The following ANKEF1 variants were observed in gnomAD, a reference collection of about 807,000 sequenced individuals.
ANKEF1 encodes ankyrin repeat and EF-hand domain containing 1, also known as ankyrin repeat and EF-hand domain-containing protein 1.
Under a neutral mutation model 65.1 loss-of-function variants are expected in ANKEF1, and 43 were observed. The observed-to-expected ratio is 0.66, with a 90% CI of 0.52 to 0.85. The LOEUF (loss-of-function observed/expected upper bound fraction) is 0.85. Among genes scored for constraint, ANKEF1 ranks in the 40% least tolerant of loss-of-function variants. The pLI, the probability that ANKEF1 is intolerant of heterozygous loss-of-function variation, is 0.00. For missense variants in ANKEF1, 934 were observed against 952.9 expected, an observed-to-expected ratio of 0.98 and a Z score of 0.26; for synonymous variants, 316 against 341.5, an observed-to-expected ratio of 0.93 and a Z score of 0.82.
In ANKEF1 at chr20:10,056,507, TA is replaced by T. The variant is rs1568520086; in HGVS notation, c.*848del. ...GATAGATAGATAGATGATAGATAGA[TA>T]GATAGATAGATAGATAGATAGATAG... On this transcript the variant is annotated 3_prime_UTR_variant, in exon 11 of 11. Transcript: ENST00000378392. 21 of 151,108 alleles carry T rather than the reference TA, an allele frequency of 1.4e-4. No homozygotes were observed. The highest frequency in any genetic ancestry group is 4.2e-4 in the South Asian group (2 of 4,728). The allele number at this position is 151,108 out of a possible 1,614,324, so 9.4% of individuals were successfully genotyped here.
rs1354075300 is a variant in ANKEF1, at chr20:10,058,190, T to C, written c.*2530T>C. The C allele has an allele frequency of 6.6e-6, 1 of 152,222 alleles. No individual in the cohort carries two copies. Among genetic ancestry groups the C allele is most frequent in the Non-Finnish European group, 1.5e-5 (1 of 68,022 alleles). 9.4% of individuals were successfully genotyped at this position (152,222 alleles called of 1,614,324 possible). ...GCATAAAATTAACTGTAGTACATAC[T>C]GTACAACTGTAATAATTTCATAGCC... On this transcript the variant is annotated 3_prime_UTR_variant, in exon 11 of 11. Coordinates refer to ENST00000378392, the MANE Select transcript of ANKEF1 (RefSeq NM_022096.6).
intron 3 of ANKEF1, among the ~76,000 whole-genome samples, chr20:10,042,412 A>G (rs1984245468): frequency 6.6e-6 from 1 of 152,086 alleles, no homozygotes; most frequent in South Asian, 2.1e-4. Flanking sequence ...AACTCGTTAC[A>G]AAGTCAGTTT....
chr20:10,053,032 G>T, intron 8 of ANKEF1, 80 bp from the exon 9 acceptor site: 1 of 1,419,866 alleles, frequency 7.0e-7, no homozygotes. Context: ...GCTTAGAGCT[G>T]ATGTGCTGAG....
rs1175784347 is a variant in ANKEF1 at position 10,056,905 on chromosome 20, C to T, written c.*1245C>T. On this transcript the variant is annotated 3_prime_UTR_variant, in exon 11 of 11. Transcript: ENST00000378392. ...TGTACACAATTCCTTCACCACAACA[C>T]CTAAGATTAGTATTTGATTGAGTTA... The T allele has an allele frequency of 1.3e-5, 2 of 152,126 alleles. No individual in the cohort carries two copies. Among genetic ancestry groups the T allele is most frequent in the African/African-American group, 4.8e-5 (2 of 41,422 alleles). 9.4% of individuals were successfully genotyped at this position (152,126 alleles called of 1,614,324 possible).
intron 4 of ANKEF1, 77 bp from the exon 5 acceptor site, chr20:10,044,317 G>C (rs1427622898): frequency 1.4e-6 from 2 of 1,463,098 alleles, no homozygotes; most frequent in African/African-American, 2.8e-5. Context: ...AATGGATTCA[G>C]ACTGTATTTG....
intron 6 of ANKEF1, among the ~76,000 whole-genome samples, chr20:10,046,169 G>A (rs547557319): frequency 6.6e-6 from 1 of 152,284 alleles, no homozygotes; most frequent in Admixed American, 6.5e-5. Flanking sequence ...AGTTACTTGG[G>A]AGGCTAAGGC....
Position 10,054,559 on chromosome 20 carries a change from G to A in ANKEF1, c.2132G>A (p.Gly711Asp). 6.2e-7 allele frequency: 1 copy of A among 1,609,646 alleles called. No individual in the cohort carries two copies. Among genetic ancestry groups the A allele is most frequent in the South Asian group, 1.1e-5 (1 of 90,044 alleles). Reference protein sequence around the residue: ...VVHLNSLITSGYTKKVDITFI... With the variant: ...VVHLNSLITSDYTKKVDITFI... ...CATCTGAATTCATTGATTACCAGTG[G>A]TTATACTAAGAAAGTGGATATCACA... Residue 711 changes from glycine (G) to aspartate (D), a missense_variant, in exon 10 of 11, where the codon GGT becomes GAT. Physicochemically the swap from Gly to Asp is moderately conservative, Grantham distance 94. Transcript: ENST00000378392.
Position 10,056,344 on chromosome 20 carries a change from A to G in ANKEF1, c.*684A>G, listed in dbSNP as rs1486249178. ...GATAGATAGCTATTAGGTTGGTGCAAAAGTAATTGTGGTTTTTGCCATAAC... is the reference window on the plus strand; with the variant it reads ...GATAGATAGCTATTAGGTTGGTGCAGAAGTAATTGTGGTTTTTGCCATAAC... On this transcript the variant is annotated 3_prime_UTR_variant, in exon 11 of 11. Coordinates refer to ENST00000378392, the MANE Select transcript of ANKEF1 (RefSeq NM_022096.6). The G allele has an allele frequency of 6.6e-6, 1 of 151,580 alleles. No homozygotes were observed. Among genetic ancestry groups the G allele is most frequent in the East Asian group, 1.9e-4 (1 of 5,144 alleles). The allele number at this position is 151,580 out of a possible 1,614,324, so 9.4% of individuals were successfully genotyped here.
rs1568519311 is a variant in ANKEF1, at chr20:10,055,766, T to C, written c.*106T>C. 3.5e-6 allele frequency: 4 copies of C among 1,152,352 alleles called. No individual in the cohort carries two copies. The highest frequency in any genetic ancestry group is 5.0e-6 in the Non-Finnish European group (4 of 802,244). 71.4% of individuals were successfully genotyped at this position (1,152,352 alleles called of 1,614,324 possible). A position where few individuals can be genotyped will look rare whatever the true frequency, so the allele number is the denominator to read the frequency against. ...CCAAAGCAATCCATACACCAAGAAC[T>C]TGTTACCAAGAATTTCTTTTTGCTT... On this transcript the variant is annotated 3_prime_UTR_variant, in exon 11 of 11. Transcript: ENST00000378392.
At chr20:10,054,380 G>T in intron 9 of ANKEF1, 82 bp from the exon 10 acceptor site, 1 of 1,146,044 alleles carries the variant, frequency 8.7e-7, no homozygotes, top group Non-Finnish European at 1.2e-6. Context: ...TCTGGCTTCA[G>T]AGTAAGATGT....
intron 3 of ANKEF1, among the ~76,000 whole-genome samples, chr20:10,041,422 A>C (rs543422951): frequency 5.9e-5 from 9 of 152,180 alleles, no homozygotes; most frequent in Admixed American, 5.2e-4. Flanking sequence ...TTAGTACAAT[A>C]GTATAAATTA....
chr20:10,040,086 C>A (rs1028152708), intron 3 of ANKEF1, among the ~76,000 whole-genome samples: 10 of 152,074 alleles, frequency 6.6e-5, no homozygotes, highest in Non-Finnish European at 1.5e-4. Context: ...CTAAAGGAAA[C>A]AAATCTCATG....
Position 10,049,402 on chromosome 20 carries a change from A to G in ANKEF1, c.833A>G (p.Lys278Arg), listed in dbSNP as rs1984700287. Reference protein sequence around the residue: ...KYIAQRGCDLKWKNLDHKTPR... With the variant: ...KYIAQRGCDLRWKNLDHKTPR... ...CTTTATGTTTTAGGATGTGACCTGA[A>G]ATGGAAGAATTTAGATCATAAAACG... Residue 278 changes from lysine (K) to arginine (R), a missense_variant, in exon 7 of 11, where the codon AAA (lysine) becomes AGA (arginine). Transcript: ENST00000378392. 3 of 1,610,218 alleles carry G rather than the reference A, an allele frequency of 1.9e-6. No individual in the cohort carries two copies. Among genetic ancestry groups the G allele is most frequent in the Non-Finnish European group, 2.5e-6 (3 of 1,178,830 alleles).
chr20:10,042,373 T>C (rs1020695116), intron 3 of ANKEF1, among the ~76,000 whole-genome samples: 1 of 152,290 alleles, frequency 6.6e-6, no homozygotes, highest in South Asian at 2.1e-4. Flanking sequence ...TTTTGGTTAT[T>C]CTTTGAATGG....
intron 6 of ANKEF1, among the ~76,000 whole-genome samples, chr20:10,048,055 A>T (rs942016420): frequency 6.6e-5 from 10 of 152,302 alleles, no homozygotes; most frequent in Admixed American, 1.3e-4. Context: ...ACAGCATATC[A>T]GAATTAGTAT....
chr20:10,039,655 C>T (rs919519143), intron 3 of ANKEF1, among the ~76,000 whole-genome samples: 3 of 152,142 alleles, frequency 2.0e-5, no homozygotes, highest in Admixed American at 1.3e-4. Flanking sequence ...AAACGGTATC[C>T]TCTCAAAGCT....
rs147777152 is a variant in ANKEF1 at position 10,038,359 on chromosome 20, G to C, written c.58G>C (p.Val20Leu). 3.0e-5 allele frequency: 48 copies of C among 1,612,442 alleles called. No homozygotes were observed. Among genetic ancestry groups the C allele is most frequent in the Non-Finnish European group, 3.7e-5 (44 of 1,178,870 alleles). The change falls in exon 3 of 11, where the codon GTG becomes CTG. Residue 20 changes from valine to leucine, a missense_variant. Physicochemically the swap from Val to Leu is conservative, Grantham distance 32. Transcript: ENST00000378392. ...NLQIYKVLQC[V>L]RNKDKKQIEK... is the part of the protein sequence containing the mutation. ...ACAGATCTACAAAGTTCTTCAATGT[G>C]TGCGGAACAAAGACAAGAAGCAGAT...
At chr20:10,048,620 A>G (rs1463386613) in intron 6 of ANKEF1, among the ~76,000 whole-genome samples, 1 of 152,154 alleles carries the variant, frequency 6.6e-6, no homozygotes, top group Non-Finnish European at 1.5e-5. Flanking sequence ...ACTTATACAT[A>G]TACTTATTAT....
intron 6 of ANKEF1, among the ~76,000 whole-genome samples, chr20:10,048,939 T>A (rs541566743): frequency 6.6e-6 from 1 of 152,204 alleles, no homozygotes; most frequent in Non-Finnish European, 1.5e-5. Flanking sequence ...ATACACAGAT[T>A]TACAGTTTAA....
Sources: allele counts gnomAD v4.1 joint callset (sites outside exome capture counted in the v4.1 genomes callset), GRCh38; gene constraint gnomAD v4.1.1; transcripts MANE v1.5; gene names NCBI Gene and HGNC (gene_info 2026-07-23, HGNC 2026-07-21).